The following ZNF142 variants were observed in gnomAD, a reference collection of about 807,000 sequenced individuals.
ZNF142 encodes zinc finger protein 142, also known as zinc finger protein 142 (clone pHZ-49).
ZNF142 carries 96 observed loss-of-function variants against 132.1 expected under a neutral mutation model. That is an observed-to-expected ratio of 0.73 (90% CI 0.62 to 0.86). ZNF142 has a LOEUF of 0.86. Ranked by LOEUF, ZNF142 falls within the 40% of genes least tolerant of loss-of-function variation. ZNF142 has a pLI of 0.00. For synonymous variants in ZNF142, 842 were observed against 890.1 expected, an observed-to-expected ratio of 0.95 and a Z score of 0.96; for missense variants, 2,163 against 2,336.2, an observed-to-expected ratio of 0.93 and a Z score of 1.53.
intron 5 of ZNF142, 78 bp downstream of exon 5, chr2:218,651,623 T>C: frequency 1.7e-6 from 2 of 1,198,338 alleles, no homozygotes; most frequent in South Asian, 3.0e-5. Context: ...TTCATGGCCT[T>C]GGAAACAACT....
Position 218,649,189 on chromosome 2 carries a change from C to G in ZNF142, c.1319G>C (p.Ser440Thr). ...ERNALNRHMA[S>T]MHEDISNFYS... Reference sequence around the variant, plus strand: ...GAAGTTGGAAATATCTTCATGCATGCTGGCCATGTGGCGGTTGAGTGCATT... The same window carrying G: ...GAAGTTGGAAATATCTTCATGCATGGTGGCCATGTGGCGGTTGAGTGCATT... The change falls in exon 7 of 11, where the codon AGC becomes ACC. Residue 440 changes from serine to threonine, a missense_variant. Physicochemically the swap from Ser to Thr is moderately conservative, Grantham distance 58 (BLOSUM62 1). Around this residue, in one of 7 missense-constraint regions of ZNF142, gnomAD observed 749 missense variants for 830.3 expected, o/e 0.90. Coordinates refer to ENST00000411696, the MANE Select transcript of ZNF142 (RefSeq NM_001379659.1). The G allele has an allele frequency of 6.2e-7, 1 of 1,614,258 alleles. No individual in the cohort carries two copies. The highest frequency in any genetic ancestry group is 8.5e-7 in the Non-Finnish European group (1 of 1,180,044).
intron 3 of ZNF142, among the ~76,000 whole-genome samples, chr2:218,656,878 C>A (rs1171776520): frequency 6.7e-6 from 1 of 148,272 alleles, no homozygotes. Context: ...AGTGCAGTGG[C>A]GTGATCTTGG....
At chr2:218,656,068 A>G in intron 4 of ZNF142, 82 bp downstream of exon 4, 6 of 1,404,394 alleles carry the variant, frequency 4.3e-6, no homozygotes, top group Non-Finnish European at 5.6e-6. Flanking sequence ...TGTTCTCATC[A>G]TATTTATACA....
intron 3 of ZNF142, 137 bp from the exon 4 acceptor site, chr2:218,656,600 A>G (rs916301275): frequency 4.4e-6 from 2 of 452,152 alleles, no homozygotes; most frequent in Non-Finnish European, 7.4e-6. Flanking sequence ...ACCATATGAG[A>G]CTAAATAGAG....
At chr2:218,641,665 G>C (rs1007574749) in intron 9 of ZNF142, among the ~76,000 whole-genome samples, 1 of 151,906 alleles carries the variant, frequency 6.6e-6, no homozygotes, top group Admixed American at 6.6e-5. Flanking sequence ...TCAGCCTCCT[G>C]AGTAGCTGGG....
intron 7 of ZNF142, among the ~76,000 whole-genome samples, chr2:218,646,634 A>G (rs1697754937): frequency 6.6e-6 from 1 of 152,018 alleles, no homozygotes. Flanking sequence ...CCCAGGCTGG[A>G]GTGCAGTGAC....
At chr2:218,639,366 A>G (rs975732910) in intron 10 of ZNF142, among the ~76,000 whole-genome samples, 1 of 152,234 alleles carries the variant, frequency 6.6e-6, no homozygotes. Flanking sequence ...TGGGTGCCCA[A>G]TGGATGCTGA....
intron 5 of ZNF142, among the ~76,000 whole-genome samples, chr2:218,651,230 C>T (rs1263324874): frequency 6.6e-6 from 1 of 152,218 alleles, no homozygotes. Flanking sequence ...GATCCATCCA[C>T]CTTGGCCTCT....
At position 218,649,126 on chromosome 2, in the gene ZNF142, T is replaced by C; in HGVS notation, c.1382A>G (p.Glu461Gly). The C allele has an allele frequency of 6.2e-7, 1 of 1,614,174 alleles. No individual in the cohort carries two copies. The highest frequency in any genetic ancestry group is 2.2e-5 in the East Asian group (1 of 44,894). ...CTTTAGGGCCTGGCTGAGGCGGAAT[T>C]CCTCACGGCAGACAGGACAGGCATA... ...DTYACPVCRE[E>G]FRLSQALKEH... Residue 461 changes from glutamate to glycine, a missense_variant, in exon 7 of 11, where the codon GAA (glutamate) becomes GGA (glycine). Physicochemically the swap from Glu to Gly is moderately conservative, Grantham distance 98. Around this residue, in one of 7 missense-constraint regions of ZNF142, gnomAD observed 749 missense variants for 830.3 expected, o/e 0.90. Coordinates refer to ENST00000411696, the MANE Select transcript of ZNF142 (RefSeq NM_001379659.1).
rs776560973 is a variant in ZNF142 at position 218,645,029 on chromosome 2, C to T, written c.2087G>A (p.Arg696Gln). The change falls in exon 9 of 11, where the codon CGG becomes CAG. Residue 696 changes from arginine (R) to glutamine (Q), a missense_variant. Arg to Gln is a conservative substitution (Grantham distance 43). Transcript: ENST00000411696. ...CTTGTGGCTGCTCAGCTGATCAGCCCGGTGACAGCGATAGGAGCACTGGTT... is the reference window on the plus strand; with the variant it reads ...CTTGTGGCTGCTCAGCTGATCAGCCTGGTGACAGCGATAGGAGCACTGGTT... ...QCNQCSYRCHRADQLSSHKLR... is the reference protein window; with the variant it reads ...QCNQCSYRCHQADQLSSHKLR... The T allele has an allele frequency of 6.8e-6, 11 of 1,613,454 alleles. No homozygotes were observed. Among genetic ancestry groups the T allele is most frequent in the Admixed American group, 5.0e-5 (3 of 59,986 alleles).
chr2:218,650,440 C>CA lies in ZNF142; in HGVS notation c.966dup (p.Val323CysfsTer8). ...GTGTCACTCTTCTCTTCTTTCTCTA[C>CA]ATTCTCCTCTTCAGCTGTCTCCTGC... On this transcript the variant is annotated frameshift_variant, in exon 6 of 11. Coordinates refer to ENST00000411696, the MANE Select transcript of ZNF142 (RefSeq NM_001379659.1). LOFTEE classifies it high-confidence loss of function. The CA allele has an allele frequency of 6.2e-7, 1 of 1,614,204 alleles. No individual in the cohort carries two copies. Among genetic ancestry groups the CA allele is most frequent in the Non-Finnish European group, 8.5e-7 (1 of 1,180,022 alleles).
Position 218,648,629 on chromosome 2 carries a change from T to C in ZNF142, c.1873+6A>G. 1 of 1,610,880 alleles carries C rather than the reference T, an allele frequency of 6.2e-7. No homozygotes were observed. Among genetic ancestry groups the C allele is most frequent in the Non-Finnish European group, 8.5e-7 (1 of 1,177,184 alleles). On this transcript the variant is annotated splice_donor_region_variant and intron_variant, in intron 7 of 10. Transcript: ENST00000411696. ...AACATTATTTTAAGGATGGAAACCA[T>C]CCTACCCGTATGTAGAAGCATGTGT...
At position 218,642,914 on chromosome 2, in the gene ZNF142, T is replaced by G; in HGVS notation, c.4202A>C (p.Gln1401Pro). 6.2e-7 allele frequency: 1 copy of G among 1,613,900 alleles called. No homozygotes were observed. The highest frequency in any genetic ancestry group is 1.3e-5 in the African/African-American group (1 of 75,066). ...RLKHEGVKPH[Q>P]CPFCDFSTTR... ...GGTCGAAAAGTCACAGAAGGGGCACTGATGGGGCTTCACCCCCTCGTGCTT... is the reference window on the plus strand; with the variant it reads ...GGTCGAAAAGTCACAGAAGGGGCACGGATGGGGCTTCACCCCCTCGTGCTT... Residue 1401 changes from glutamine to proline, a missense_variant, in exon 9 of 11, where the codon CAG becomes CCG. Around this residue, in one of 7 missense-constraint regions of ZNF142, gnomAD observed 809 missense variants for 801.7 expected, o/e 1.01. Transcript: ENST00000411696. The surrounding 1 kb of genome is among the most constrained non-coding windows in gnomAD (Gnocchi z 4.6).
intron 4 of ZNF142, among the ~76,000 whole-genome samples, chr2:218,653,015 T>G (rs2106262856): frequency 6.6e-6 from 1 of 152,100 alleles, no homozygotes; most frequent in East Asian, 1.9e-4. Context: ...GTGCAGTGGC[T>G]CACGCCTGTA....
intron 5 of ZNF142, among the ~76,000 whole-genome samples, chr2:218,651,442 T>G (rs780942903): frequency 2.0e-5 from 3 of 152,258 alleles, no homozygotes; most frequent in Non-Finnish European, 4.4e-5. Context: ...TAGAGAATAT[T>G]GGTTAAGTAA....
At chr2:218,641,413 T>G (rs906246009) in intron 9 of ZNF142, among the ~76,000 whole-genome samples, 2 of 151,094 alleles carry the variant, frequency 1.3e-5, no homozygotes, top group Admixed American at 6.6e-5. Context: ...CCCGGCTAAT[T>G]TTTTGTATTT....
chr2:218,641,198 CAA>C lies in ZNF142; in HGVS notation c.5089-431_5089-430del, dbSNP rs535333927. 9.8e-4 allele frequency among the ~76,000 whole-genome samples: 149 copies of C among 151,904 alleles called. 1 individual carries two copies. In the South Asian group the frequency reaches 0.029, roughly 30 times the overall value. ...AAGCAATCCTCTGGCCTTGGCCTCC[CAA>C]AGTGCTAGGATTACAGGCGTGAGCC... On this transcript the variant is annotated intron_variant, in intron 9 of 10. Coordinates refer to ENST00000411696, the MANE Select transcript of ZNF142 (RefSeq NM_001379659.1).
At chr2:218,641,031 C>T (rs1402901148) in intron 9 of ZNF142, among the ~76,000 whole-genome samples, 3 of 150,670 alleles carry the variant, frequency 2.0e-5, no homozygotes, top group Non-Finnish European at 3.0e-5. Flanking sequence ...ACCTCCTGGG[C>T]TAAAGCGATC....
At chr2:218,654,872 C>G (rs1938344100) in intron 4 of ZNF142, among the ~76,000 whole-genome samples, 1 of 151,976 alleles carries the variant, frequency 6.6e-6, no homozygotes, top group African/African-American at 2.4e-5. Context: ...ATTGCTTGAG[C>G]CCAGGAGTTC....
Sources: gnomAD v4.1 joint callset for allele counts (sites outside exome capture counted in the v4.1 genomes callset) on GRCh38, gnomAD v4.1.1 for gene constraint, gnomAD v4.1.1 regional missense constraint, Gnocchi (gnomAD v3.1) non-coding constraint, MANE v1.5 for transcripts, NCBI Gene and HGNC (gene_info 2026-07-23, HGNC 2026-07-21) for gene names.